SMIM35: variants seen among roughly 807,000 people sequenced by gnomAD.
SMIM35 encodes TMPRSS4 antisense RNA 1 (non-protein coding).
At chr11:118,011,698 A>G (rs2058151557) in intron 4 of SMIM35, among the ~76,000 whole-genome samples, 1 of 152,146 alleles carries the variant, frequency 6.6e-6, no homozygotes. Flanking sequence ...TCTCAAAAAA[A>G]GAAAGAAAGA....
chr11:118,014,326 G>T (rs1309827608), intron 3 of SMIM35, among the ~76,000 whole-genome samples: 1 of 152,080 alleles, frequency 6.6e-6, no homozygotes, highest in Non-Finnish European at 1.5e-5. Flanking sequence ...GGAAGGAAGG[G>T]AAGGGAAGGA....
Sources: gnomAD v4.1 joint callset for allele counts (sites outside exome capture counted in the v4.1 genomes callset) on GRCh38, gnomAD v4.1.1 for gene constraint, MANE v1.5 for transcripts, NCBI Gene and HGNC (gene_info 2026-07-23, HGNC 2026-07-21) for gene names.